Variants in MMS22L observed in about 807,000 individuals in gnomAD.
The protein encoded by MMS22L is protein MMS22-like.
Under a neutral mutation model 159.1 loss-of-function variants are expected in MMS22L, and 74 were observed. The observed-to-expected ratio is 0.47, with a 90% CI of 0.39 to 0.56. The LOEUF is 0.56. Among genes scored for constraint, MMS22L ranks in the 20% least tolerant of loss-of-function variants. The probability of loss-of-function intolerance (pLI) is 0.00; values close to 1 mark genes in which losing one functional copy is unlikely to be tolerated. For synonymous variants in MMS22L, 517 were observed against 506.9 expected, an observed-to-expected ratio of 1.02 and a Z score of -0.27; for missense variants, 1,351 against 1,422.1, an observed-to-expected ratio of 0.95 and a Z score of 0.80.
At chr6:97,231,353 A>G (rs1582714731) in intron 13 of MMS22L, 73 bp downstream of exon 13, 5 of 1,104,302 alleles carry the variant, frequency 4.5e-6, no homozygotes, top group Admixed American at 2.0e-5. Flanking sequence ...CCAAGTAAAC[A>G]TAACAAAATA....
At chr6:97,281,469 A>T in intron 2 of MMS22L, 107 bp from the exon 3 acceptor site, 1 of 897,576 alleles carries the variant, frequency 1.1e-6, no homozygotes, top group Non-Finnish European at 1.6e-6. Flanking sequence ...ACATGTATAA[A>T]AAGTCAGAAA....
chr6:97,178,420 T>C (rs761619737), intron 18 of MMS22L, 23 bp downstream of exon 18: 2 of 1,489,452 alleles, frequency 1.3e-6, no homozygotes, highest in Admixed American at 4.5e-5. Context: ...ATCTGGACAA[T>C]TATACTAATA....
intron 6 of MMS22L, 163 bp downstream of exon 6, chr6:97,272,541 C>T (rs1815852185): frequency 1.7e-6 from 1 of 593,954 alleles, no homozygotes; most frequent in Non-Finnish European, 2.9e-6. Flanking sequence ...GTCATTTGCC[C>T]AAAAGCACAC....
At chr6:97,208,196 C>G (rs6923873) in intron 14 of MMS22L, among the ~76,000 whole-genome samples, 92,742 of 151,964 alleles carry the variant, frequency 0.61, 30,970 homozygotes, top group Non-Finnish European at 0.76. Context: ...CTAATGTACT[C>G]TCCTACCTTT....
Position 97,152,149 on chromosome 6 carries a change from T to G in MMS22L, c.3386-282A>C, listed in dbSNP as rs57152862. ...AGAAAGGTGCCCATATTCAAAAAAG[T>G]TACACCATCCTAATCCTACAAACAG... On this transcript the variant is annotated intron_variant, in intron 22 of 24. Transcript: ENST00000683635. Among the ~76,000 whole-genome samples the G allele has an allele frequency of 9.3e-3, 1,415 of 152,148 alleles. 23 individuals are homozygous for G. The highest frequency in any genetic ancestry group is 0.031 in the African/African-American group (1,293 of 41,518).
intron 21 of MMS22L, 121 bp downstream of exon 21, chr6:97,165,125 A>G (rs1307771875): frequency 1.3e-6 from 1 of 768,614 alleles, no homozygotes; most frequent in Non-Finnish European, 2.1e-6. Context: ...TCTCAGGAAA[A>G]CAAAAAGCTT....
chr6:97,191,072 TTTTA>T (rs1805811985), intron 14 of MMS22L, among the ~76,000 whole-genome samples: 1 of 152,180 alleles, frequency 6.6e-6, no homozygotes, highest in Non-Finnish European at 1.5e-5. Context: ...GATTTCCTGT[TTTTA>T]TTTGTCTGCT....
chr6:97,169,226 A>G (rs972239647), intron 19 of MMS22L, among the ~76,000 whole-genome samples: 1 of 152,122 alleles, frequency 6.6e-6, no homozygotes, highest in South Asian at 2.1e-4. Context: ...TGGTGCTAGA[A>G]GTCTGTTAAT....
At chr6:97,201,765 C>T (rs551251717) in intron 14 of MMS22L, among the ~76,000 whole-genome samples, 1 of 152,306 alleles carries the variant, frequency 6.6e-6, no homozygotes, top group Admixed American at 6.5e-5. Context: ...CACCAATAGC[C>T]TTTATCTCCA....
intron 8 of MMS22L, chr6:97,265,557 G>A (rs368979395): frequency 6.6e-6 from 1 of 151,890 alleles, no homozygotes; most frequent in African/African-American, 2.4e-5. Context: ...AAAAATCAAC[G>A]GAATGAAGGG....
At chr6:97,212,867 C>T (rs2127950363) in intron 14 of MMS22L, among the ~76,000 whole-genome samples, 1 of 152,230 alleles carries the variant, frequency 6.6e-6, no homozygotes, top group East Asian at 1.9e-4. Flanking sequence ...CAGTGAATAT[C>T]CCAGTTAGAT....
intron 22 of MMS22L, among the ~76,000 whole-genome samples, chr6:97,155,239 G>A (rs528702679): frequency 2.0e-5 from 3 of 152,120 alleles, no homozygotes; most frequent in East Asian, 1.9e-4. Flanking sequence ...TTAATGACTC[G>A]TGTTTGTTTC....
chr6:97,191,740 CTAAAAAATCT>C (rs1805884721), intron 14 of MMS22L, among the ~76,000 whole-genome samples: 1 of 152,120 alleles, frequency 6.6e-6, no homozygotes, highest in African/African-American at 2.4e-5. Flanking sequence ...GCTAAACTCA[CTAAAAAATCT>C]TAGACACTGA....
At chr6:97,194,352 G>A (rs1197846380) in intron 14 of MMS22L, among the ~76,000 whole-genome samples, 5 of 152,084 alleles carry the variant, frequency 3.3e-5, no homozygotes, top group African/African-American at 9.7e-5. Context: ...CACCATGCCC[G>A]GCCGAGGGTC....
Position 97,282,536 on chromosome 6 carries a change from G to A in MMS22L, c.-59C>T, listed in dbSNP as rs1211493586. The A allele has an allele frequency of 4.4e-6, 2 of 456,978 alleles. No individual in the cohort carries two copies. The highest frequency in any genetic ancestry group is 4.3e-5 in the Admixed American group (1 of 23,176). The allele number at this position is 456,978 out of a possible 1,614,324, so 28.3% of individuals were successfully genotyped here. On this transcript the variant is annotated 5_prime_UTR_variant, in exon 2 of 25. Transcript: ENST00000683635. ...GTCGTATCATTAAGGGCTCCAAAGA[G>A]AAGGTGTGAAGAGATTCCTGTTGGG...
chr6:97,186,536 G>A lies in MMS22L; in HGVS notation c.2194C>T (p.Gln732Ter). ...GCAAGTTGTGAGAAAGGCACTACCT[G>A]TGACATTCTCTGACTCTTCAAAAAT... ...FSFLKSQRMS[Q>*]VVPFSQLADA... The change falls in exon 15 of 25, where the codon CAG becomes TAG. Residue 732 changes from glutamine (Q) to a stop codon, truncating the protein, a stop_gained. Coordinates refer to ENST00000683635, the MANE Select transcript of MMS22L (RefSeq NM_001350599.2). LOFTEE classifies it high-confidence loss of function. 6.2e-7 allele frequency: 1 copy of A among 1,613,056 alleles called. No homozygotes were observed. Among genetic ancestry groups the A allele is most frequent in the Non-Finnish European group, 8.5e-7 (1 of 1,179,564 alleles).
chr6:97,173,695 C>A (rs146024857), intron 18 of MMS22L, among the ~76,000 whole-genome samples: 69 of 152,100 alleles, frequency 4.5e-4, no homozygotes, highest in African/African-American at 1.6e-3. Context: ...TATATGAATT[C>A]ACTTTTCTTC....
Position 97,145,012 on chromosome 6 carries a change from GAAAA to G in MMS22L, c.*1790_*1793del, listed in dbSNP as rs1216044544. On this transcript the variant is annotated 3_prime_UTR_variant, in exon 25 of 25. Transcript: ENST00000683635. Reference sequence around the variant, plus strand: ...AAGGTATCTTTATCAATCTCCTTTGGAAAAAAAAAACCCACACACACACACACAC... The same window carrying G: ...AAGGTATCTTTATCAATCTCCTTTGGAAAAAACCCACACACACACACACAC... The G allele has an allele frequency of 3.3e-5, 3 of 90,846 alleles. No homozygotes were observed. Among genetic ancestry groups the G allele is most frequent in the African/African-American group, 8.8e-5 (2 of 22,772 alleles). 5.6% of individuals were successfully genotyped at this position (90,846 alleles called of 1,614,324 possible). A position where few individuals can be genotyped will look rare whatever the true frequency, so the allele number is the denominator to read the frequency against.
intron 20 of MMS22L, among the ~76,000 whole-genome samples, chr6:97,167,812 G>GAA (rs146435170): frequency 1.3e-5 from 2 of 149,046 alleles, no homozygotes; most frequent in South Asian, 2.1e-4. Flanking sequence ...GATGAGGTCT[G>GAA]AAAAAAAAAA....
Sources: allele counts gnomAD v4.1 joint callset (sites outside exome capture counted in the v4.1 genomes callset), GRCh38; gene constraint gnomAD v4.1.1; transcripts MANE v1.5; gene names NCBI Gene and HGNC (gene_info 2026-07-23, HGNC 2026-07-21).